The following COPB2 variants were observed in gnomAD, a reference collection of about 807,000 sequenced individuals.
COPB2 encodes the protein coat protein complex I subunit beta 2, also known as coatomer subunit beta'.
In COPB2, 16 loss-of-function variants were observed where a neutral mutation model predicts 120.8. The observed-to-expected ratio is 0.13, with a 90% CI of 0.09 to 0.20. COPB2 has a LOEUF of 0.20. Among genes scored for constraint, COPB2 ranks in the 10% least tolerant of loss-of-function variants. The probability of loss-of-function intolerance (pLI) is 1.00; values close to 1 mark genes in which losing one functional copy is unlikely to be tolerated. For missense variants in COPB2, 794 were observed against 1,076.5 expected (o/e 0.74, Z 3.67); for synonymous variants, 332 against 366.3 (o/e 0.91, Z 1.07).
intron 1 of COPB2, among the ~76,000 whole-genome samples, chr3:139,388,622 A>G (rs546212887): frequency 1.9e-4 from 28 of 145,930 alleles, no homozygotes; most frequent in African/African-American, 4.9e-4. Context: ...GTGCTTCATA[A>G]CAAGTTTTTT....
chr3:139,387,484 C>T (rs1941945870), intron 1 of COPB2, among the ~76,000 whole-genome samples: 1 of 152,174 alleles, frequency 6.6e-6, no homozygotes, highest in African/African-American at 2.4e-5. Flanking sequence ...GCCACTGCCA[C>T]CAGTAAGACC....
intron 9 of COPB2, 143 bp from the exon 10 acceptor site, chr3:139,371,976 G>T: frequency 1.6e-6 from 1 of 612,286 alleles, no homozygotes; most frequent in Non-Finnish European, 2.7e-6. Context: ...TCTTTTAAAA[G>T]TTATACATTT....
chr3:139,387,016 T>C lies in COPB2; in HGVS notation c.3+2532A>G, dbSNP rs372943760. On this transcript the variant is annotated intron_variant, in intron 1 of 21. Coordinates refer to ENST00000333188, the MANE Select transcript of COPB2 (RefSeq NM_004766.3). ...GAGTTTGAGACCAGCCTGGCCAACA[T>C]GGTGAAACCCCGTCTCTACTAAAAA... is the stretch of plus-strand genomic sequence containing the variant. 2.8e-5 allele frequency among the ~76,000 whole-genome samples: 4 copies of C among 142,094 alleles called. No homozygotes were observed. The East Asian group carries it at 8.1e-4, about 29-fold the overall frequency. 93.2% of individuals were successfully genotyped at this position (142,094 alleles called of 152,430 possible).
chr3:139,366,421 G>A (rs974416751), intron 15 of COPB2, 147 bp downstream of exon 15: 3 of 675,394 alleles, frequency 4.4e-6, no homozygotes, highest in African/African-American at 3.6e-5. Context: ...ATCATGTGCT[G>A]TAATAAGTGC....
intron 2 of COPB2, chr3:139,383,054 A>G: frequency 2.0e-6 from 1 of 488,930 alleles, no homozygotes; most frequent in South Asian, 2.7e-5. Flanking sequence ...TTCAAAAAAG[A>G]GCTAATACTA....
intron 17 of COPB2, among the ~76,000 whole-genome samples, chr3:139,359,697 A>G (rs1165566048): frequency 6.6e-6 from 1 of 152,196 alleles, no homozygotes; most frequent in Non-Finnish European, 1.5e-5. Context: ...GTTCCACAAG[A>G]CAAATATCTA....
chr3:139,360,989 T>C, intron 17 of COPB2, 92 bp downstream of exon 17: 3 of 1,392,406 alleles, frequency 2.2e-6, no homozygotes, highest in Non-Finnish European at 3.0e-6. Flanking sequence ...CATTTGGCCA[T>C]TCATCAGTTC....
chr3:139,369,249 G>A lies in COPB2; in HGVS notation c.1401+12C>T, dbSNP rs775420596. 1.4e-5 allele frequency: 22 copies of A among 1,593,868 alleles called. No individual in the cohort carries two copies. In the South Asian group the frequency reaches 1.6e-4, roughly 11 times the overall value. On this transcript the variant is annotated intron_variant, in intron 12 of 21. Coordinates refer to ENST00000333188, the MANE Select transcript of COPB2 (RefSeq NM_004766.3). ...TAAATATTCCAAAAACAACAATGGAGGGGAAACTCACATGTTTGGGCTGAA... is the reference window on the plus strand; with the variant it reads ...TAAATATTCCAAAAACAACAATGGAAGGGAAACTCACATGTTTGGGCTGAA...
In COPB2 at chr3:139,373,657, T is replaced by C. The variant is rs1368686341; in HGVS notation, c.894+9A>G. 1 of 1,613,984 alleles carries C rather than the reference T, an allele frequency of 6.2e-7. No individual in the cohort carries two copies. The highest frequency in any genetic ancestry group is 1.1e-5 in the South Asian group (1 of 91,066). On this transcript the variant is annotated intron_variant, in intron 8 of 21. Coordinates refer to ENST00000333188, the MANE Select transcript of COPB2 (RefSeq NM_004766.3). ...TATGTCCACCTACTGAGAGGGATAG[T>C]ATAATTACCTTAACAATGATGCTCC... is the stretch of plus-strand genomic sequence containing the variant.
At chr3:139,364,620 T>C (rs1230435302) in intron 15 of COPB2, among the ~76,000 whole-genome samples, 1 of 152,214 alleles carries the variant, frequency 6.6e-6, no homozygotes, top group Admixed American at 6.5e-5. Flanking sequence ...AGGCTACATG[T>C]CAGCAGGAAC....
chr3:139,376,597 A>C (rs1941715966), intron 5 of COPB2, among the ~76,000 whole-genome samples: 1 of 152,228 alleles, frequency 6.6e-6, no homozygotes, highest in Non-Finnish European at 1.5e-5. Flanking sequence ...CAAAGGCAAA[A>C]TAGCTAAGGT....
chr3:139,371,925 C>T (rs1167415822), intron 9 of COPB2, 92 bp from the exon 10 acceptor site: 1 of 868,548 alleles, frequency 1.2e-6, no homozygotes, highest in Non-Finnish European at 1.8e-6. Flanking sequence ...TAAAAGAATT[C>T]TAATAACAAA....
intron 1 of COPB2, among the ~76,000 whole-genome samples, chr3:139,387,700 CA>C (rs1195873338): frequency 6.6e-6 from 1 of 152,186 alleles, no homozygotes; most frequent in Non-Finnish European, 1.5e-5. Flanking sequence ...GATACCATAA[CA>C]CAAGACTAGA....
At chr3:139,380,988 A>G (rs1374701496) in intron 2 of COPB2, 1 of 152,250 alleles carries the variant, frequency 6.6e-6, no homozygotes, top group East Asian at 1.9e-4. Context: ...ATAAAGAGTA[A>G]GAAAAGCTAC....
chr3:139,370,593 G>T (rs775551352), intron 10 of COPB2, among the ~76,000 whole-genome samples: 1 of 152,144 alleles, frequency 6.6e-6, no homozygotes, highest in Non-Finnish European at 1.5e-5. Context: ...GTGACAAATG[G>T]TTCATTAATC....
At chr3:139,380,402 A>AT (rs1433989029) in intron 2 of COPB2, 3 of 152,130 alleles carry the variant, frequency 2.0e-5, no homozygotes, top group Non-Finnish European at 4.4e-5. Context: ...TACAAATGTT[A>AT]TTATTTCTTT....
chr3:139,387,700 C>T (rs1941949180), intron 1 of COPB2, among the ~76,000 whole-genome samples: 1 of 152,186 alleles, frequency 6.6e-6, no homozygotes, highest in Non-Finnish European at 1.5e-5. Context: ...GATACCATAA[C>T]ACAAGACTAG....
intron 2 of COPB2, 101 bp downstream of exon 2, chr3:139,383,197 G>A (rs779542112): frequency 8.0e-5 from 106 of 1,328,658 alleles, no homozygotes; most frequent in Non-Finnish European, 1.1e-4. Context: ...AAAGCAGTTT[G>A]CATATAGATT....
In COPB2 at chr3:139,389,590, C is replaced by A; in HGVS notation, c.-40G>T. The A allele has an allele frequency of 6.4e-7, 1 of 1,565,640 alleles. No individual in the cohort carries two copies. Among genetic ancestry groups the A allele is most frequent in the Non-Finnish European group, 8.7e-7 (1 of 1,146,156 alleles). On this transcript the variant is annotated 5_prime_UTR_variant, in exon 1 of 22. Transcript: ENST00000333188. ...AATCCCGGGAACCCTCGTTTGTTAC[C>A]GGCTACTCAGGCCTTGAGATAAACC...
Sources: allele counts gnomAD v4.1 joint callset (sites outside exome capture counted in the v4.1 genomes callset), GRCh38; gene constraint gnomAD v4.1.1; transcripts MANE v1.5; gene names NCBI Gene and HGNC (gene_info 2026-07-23, HGNC 2026-07-21).